The following PLD6 variants were observed in gnomAD, a reference collection of about 807,000 sequenced individuals.
The protein encoded by PLD6 is phospholipase D family member 6.
Under a neutral mutation model 9.7 loss-of-function variants are expected in PLD6, and 10 were observed. The ratio of observed to expected loss-of-function variants is 1.03; its 90% confidence interval spans 0.64 to 1.75. PLD6 has a LOEUF of 1.75. PLD6 is among the 40% of genes most tolerant of loss of function. The probability of loss-of-function intolerance (pLI) is 0.00; values close to 1 mark genes in which losing one functional copy is unlikely to be tolerated. For synonymous variants in PLD6, 152 were observed against 159.2 expected (o/e 0.96, Z 0.34); for missense variants, 334 against 347.6 (o/e 0.96, Z 0.31).
rs2046683559 is a variant in PLD6, at chr17:17,202,565, T to C, written c.*202A>G. On this transcript the variant is annotated 3_prime_UTR_variant, in exon 2 of 2. Coordinates refer to ENST00000321560, the MANE Select transcript of PLD6 (RefSeq NM_178836.4). Reference sequence around the variant, plus strand: ...CCCCGTGGCAGGTCGTGACTGAAGTTATTTTGGCAAAGGAGCAAGAAAAAG... The same window carrying C: ...CCCCGTGGCAGGTCGTGACTGAAGTCATTTTGGCAAAGGAGCAAGAAAAAG... 1 of 607,144 alleles carries C rather than the reference T, an allele frequency of 1.6e-6. No homozygotes were observed. The highest frequency in any genetic ancestry group is 1.9e-5 in the African/African-American group (1 of 54,000). 37.6% of individuals were successfully genotyped at this position (607,144 alleles called of 1,614,324 possible).
intron 1 of PLD6, among the ~76,000 whole-genome samples, chr17:17,203,595 C>T (rs931823412): frequency 1.3e-5 from 2 of 152,186 alleles, no homozygotes; most frequent in East Asian, 1.9e-4. Flanking sequence ...TAACTAACAA[C>T]GCACAAATGA....
Position 17,206,233 on chromosome 17 carries a change from C to CA in PLD6, c.53dup (p.Thr19AspfsTer185), listed in dbSNP as rs1363374996. On this transcript the variant is annotated frameshift_variant, in exon 1 of 2. Transcript: ENST00000321560. LOFTEE classifies it high-confidence loss of function. ...GCACCCAAGGCAGCGCCTCCAGAGTCAGAGCCAGGCCCACAGCCGCCGCGG... is the reference window on the plus strand; with the variant it reads ...GCACCCAAGGCAGCGCCTCCAGAGTCAAGAGCCAGGCCCACAGCCGCCGCGG... 1 of 1,545,376 alleles carries CA rather than the reference C, an allele frequency of 6.5e-7. No homozygotes were observed. The highest frequency in any genetic ancestry group is 8.6e-7 in the Non-Finnish European group (1 of 1,157,006).
At position 17,202,904 on chromosome 17, in the gene PLD6, G is replaced by C. The variant is rs138147331; in HGVS notation, c.622C>G (p.Gln208Glu). 4.3e-5 allele frequency: 70 copies of C among 1,614,198 alleles called. No homozygotes were observed. The African/African-American group carries it at 8.9e-4, about 21-fold the overall frequency. Reference sequence around the variant, plus strand: ...AAGGTATACTTTGTAGGGTTAAACTGTTCCCAGATGCGCTCAAATTCTTCC... The same window carrying C: ...AAGGTATACTTTGTAGGGTTAAACTCTTCCCAGATGCGCTCAAATTCTTCC... ...FLEEFERIWE[Q>E]FNPTKYTFFP... is the part of the protein sequence containing the mutation. The change falls in exon 2 of 2, where the codon CAG becomes GAG. Residue 208 changes from glutamine to glutamate, a missense_variant. Transcript: ENST00000321560.
chr17:17,204,463 C>T (rs1414621161), intron 1 of PLD6: 1 of 152,330 alleles, frequency 6.6e-6, no homozygotes, highest in Non-Finnish European at 1.5e-5. Context: ...GTTGGCATCT[C>T]CGTGGCAACC....
Position 17,205,137 on chromosome 17 carries a change from G to C in PLD6, c.427+723C>G, listed in dbSNP as rs1369433608. Among the ~76,000 whole-genome samples the C allele has an allele frequency of 4.6e-5, 7 of 152,330 alleles. No homozygotes were observed. In the East Asian group the frequency reaches 1.3e-3, roughly 29 times the overall value. On this transcript the variant is annotated intron_variant, in intron 1 of 1. Transcript: ENST00000321560. ...ACAAAAGGCAACAGCAGGCTGGGCC[G>C]CCGAACTGGGCCAGGATGGACTGAG...
rs1417403906 is a variant in PLD6, at chr17:17,206,311, G to A, written c.-25C>T. ...TGCCGCCGCTAATCCGGGACCCACA[G>A]CCACGCCGCCGCAGCGGAGTCTGCG... On this transcript the variant is annotated 5_prime_UTR_variant, in exon 1 of 2. Coordinates refer to ENST00000321560, the MANE Select transcript of PLD6 (RefSeq NM_178836.4). 1 of 1,501,652 alleles carries A rather than the reference G, an allele frequency of 6.7e-7. No individual in the cohort carries two copies. Among genetic ancestry groups the A allele is most frequent in the South Asian group, 1.2e-5 (1 of 80,318 alleles). The allele number at this position is 1,501,652 out of a possible 1,614,324, so 93.0% of individuals were successfully genotyped here.
Position 17,206,025 on chromosome 17 carries a change from G to C in PLD6, c.262C>G (p.Leu88Val). ...AGATCCAGGCTGGCGCGGGCGGCCA[G>C]CAGGGCACGCAGCAGGCGGCTTAGC... ...SALSRLLRALLAARASLDLCL... is the reference protein window; with the variant it reads ...SALSRLLRALVAARASLDLCL... Residue 88 changes from leucine to valine, a missense_variant, in exon 1 of 2, where the codon CTG (leucine) becomes GTG (valine). Leu to Val is a conservative substitution (Grantham distance 32). Transcript: ENST00000321560. The C allele has an allele frequency of 6.5e-7, 1 of 1,540,420 alleles. No individual in the cohort carries two copies.
chr17:17,205,209 C>G (rs1336434751), intron 1 of PLD6, among the ~76,000 whole-genome samples: 1 of 152,186 alleles, frequency 6.6e-6, no homozygotes, highest in African/African-American at 2.4e-5. Flanking sequence ...TTTCCTGGTC[C>G]CTTCTGTCCC....
At chr17:17,205,647 G>C (rs1420496593) in intron 1 of PLD6, among the ~76,000 whole-genome samples, 1 of 152,234 alleles carries the variant, frequency 6.6e-6, no homozygotes, top group Admixed American at 6.5e-5. Flanking sequence ...GAGGCACCGA[G>C]GGTCCGGCTC....
chr17:17,203,157 G>C lies in PLD6; in HGVS notation c.428-59C>G, dbSNP rs1372586072. 4 of 1,500,750 alleles carry C rather than the reference G, an allele frequency of 2.7e-6. No homozygotes were observed. In the African/African-American group the frequency reaches 4.2e-5, roughly 16 times the overall value. 93.0% of individuals were successfully genotyped at this position (1,500,750 alleles called of 1,614,324 possible). A position where few individuals can be genotyped will look rare whatever the true frequency, so the allele number is the denominator to read the frequency against. On this transcript the variant is annotated intron_variant, in intron 1 of 1. Coordinates refer to ENST00000321560, the MANE Select transcript of PLD6 (RefSeq NM_178836.4). ...AGGAGTCCCGCCCCCAGTGTGGACT[G>C]TTCCTGGGGGCTACTGGCTTTACTA...
intron 1 of PLD6, among the ~76,000 whole-genome samples, chr17:17,204,012 C>T (rs569110754): frequency 1.3e-5 from 2 of 152,130 alleles, no homozygotes; most frequent in African/African-American, 2.4e-5. Flanking sequence ...TTCCTTACCT[C>T]GAGGAGCCAG....
intron 1 of PLD6, among the ~76,000 whole-genome samples, chr17:17,204,655 C>A (rs926560844): frequency 6.6e-6 from 1 of 152,192 alleles, no homozygotes; most frequent in African/African-American, 2.4e-5. Flanking sequence ...TCTTCACCAA[C>A]CTCAGCTTCT....
At chr17:17,203,677 T>C (rs998464878) in intron 1 of PLD6, among the ~76,000 whole-genome samples, 2 of 152,176 alleles carry the variant, frequency 1.3e-5, no homozygotes, top group Admixed American at 6.5e-5. Context: ...TCTTCCCAGC[T>C]TTCAAACTCC....
chr17:17,205,904 T>C lies in PLD6; in HGVS notation c.383A>G (p.Tyr128Cys), dbSNP rs1445007135. ...GATTTGCGAGCCGTTGAGGGCCATG[T>C]AGTCGCAGTCGGTGACGACCCGCAC... Reference protein sequence around the residue: ...VRVRVVTDCDYMALNGSQIGL... With the variant: ...VRVRVVTDCDCMALNGSQIGL... Residue 128 changes from tyrosine (Y) to cysteine (C), a missense_variant, in exon 1 of 2, where the codon TAC (tyrosine) becomes TGC (cysteine). Tyr to Cys is a radical substitution (Grantham distance 194). Transcript: ENST00000321560. The C allele has an allele frequency of 1.9e-6, 3 of 1,575,528 alleles. No homozygotes were observed. Among genetic ancestry groups the C allele is most frequent in the African/African-American group, 2.7e-5 (2 of 74,286 alleles).
At chr17:17,205,777 C>T in intron 1 of PLD6, 83 bp downstream of exon 1, 2 of 1,455,684 alleles carry the variant, frequency 1.4e-6, no homozygotes, top group Non-Finnish European at 9.2e-7. Flanking sequence ...TCCCCAGACC[C>T]CCTCCCCTAA....
chr17:17,204,138 C>T (rs2046697744), intron 1 of PLD6, among the ~76,000 whole-genome samples: 1 of 152,220 alleles, frequency 6.6e-6, no homozygotes, highest in Admixed American at 6.5e-5. Context: ...CACCTCCTGC[C>T]TCCGCTGGGA....
In PLD6 at chr17:17,202,472, G is replaced by A. The variant is rs138814126; in HGVS notation, c.*295C>T. ...ATGGGATCGACCTGGAAGAGGCACT[G>A]TGCCTTTTCTGTGCTGTAGCAGAAG... is the stretch of plus-strand genomic sequence containing the variant. On this transcript the variant is annotated 3_prime_UTR_variant, in exon 2 of 2. Transcript: ENST00000321560. The A allele has an allele frequency of 0.016, 6,321 of 385,272 alleles. 73 individuals carry two copies. The highest frequency in any genetic ancestry group is 0.026 in the Middle Eastern group (34 of 1,286). 23.9% of individuals were successfully genotyped at this position (385,272 alleles called of 1,614,324 possible). A position where few individuals can be genotyped will look rare whatever the true frequency, so the allele number is the denominator to read the frequency against.
rs1162319630 is a variant in PLD6 at position 17,202,595 on chromosome 17, G to A, written c.*172C>T. The A allele has an allele frequency of 5.9e-6, 4 of 680,218 alleles. No homozygotes were observed. The highest frequency in any genetic ancestry group is 9.7e-6 in the Non-Finnish European group (4 of 411,634). The allele number at this position is 680,218 out of a possible 1,614,324, so 42.1% of individuals were successfully genotyped here. On this transcript the variant is annotated 3_prime_UTR_variant, in exon 2 of 2. Coordinates refer to ENST00000321560, the MANE Select transcript of PLD6 (RefSeq NM_178836.4). ...TGGCAAAGGAGCAAGAAAAAGGTCT[G>A]GCCCGAAATAACTGACCCGAAGTAA...
rs140289845 is a variant in PLD6, at chr17:17,204,594, G to A, written c.427+1266C>T. On this transcript the variant is annotated intron_variant, in intron 1 of 1. Transcript: ENST00000321560. ...TCGAAGTCAGCGAGGATGCTGGGAGGCCATCCCAGAGGGGATCCGATGGGA... is the reference window on the plus strand; with the variant it reads ...TCGAAGTCAGCGAGGATGCTGGGAGACCATCCCAGAGGGGATCCGATGGGA... Among the ~76,000 whole-genome samples the A allele has an allele frequency of 2.6e-3, 400 of 152,270 alleles. 1 individual carries two copies. The highest frequency in any genetic ancestry group is 7.9e-3 in the African/African-American group (327 of 41,550).
Sources: allele counts gnomAD v4.1 joint callset (sites outside exome capture counted in the v4.1 genomes callset), GRCh38; gene constraint gnomAD v4.1.1; transcripts MANE v1.5; gene names NCBI Gene and HGNC (gene_info 2026-07-23, HGNC 2026-07-21).